The following ATCAY variants were observed in gnomAD, a reference collection of about 807,000 sequenced individuals.
The protein encoded by ATCAY is ATCAY kinesin light chain interacting caytaxin.
A neutral mutation model predicts 47.7 loss-of-function variants in ATCAY; 22 were observed. The observed-to-expected ratio is 0.46, with a 90% CI of 0.33 to 0.66. The LOEUF is 0.66. Among genes scored for constraint, ATCAY ranks in the 30% least tolerant of loss-of-function variants. ATCAY has a pLI of 0.02. For missense variants in ATCAY, 452 were observed against 515.0 expected (o/e 0.88, Z 1.18); for synonymous variants, 216 against 207.6 (o/e 1.04, Z -0.35).
At chr19:3,895,023 C>T in intron 2 of ATCAY, 26 of 383,272 alleles carry the variant, frequency 6.8e-5, no homozygotes, top group Middle Eastern at 3.8e-4. Flanking sequence ...TTTTTTCTCT[C>T]TCTCTCCTCT....
chr19:3,907,696 C>A lies in ATCAY; in HGVS notation c.359-38C>A, dbSNP rs1273974479. 6.2e-7 allele frequency: 1 copy of A among 1,610,534 alleles called. No homozygotes were observed. Among genetic ancestry groups the A allele is most frequent in the African/African-American group, 1.3e-5 (1 of 74,800 alleles). ...AGCAGGAGGGCAGGAGATATCCGGA[C>A]TCTGGCGTCCATGCGACTCTCCGCC... On this transcript the variant is annotated intron_variant, in intron 4 of 12. Transcript: ENST00000450849. The surrounding 1 kb of genome is among the most constrained non-coding windows in gnomAD (Gnocchi z 5.1).
intron 8 of ATCAY, among the ~76,000 whole-genome samples, chr19:3,912,391 G>T (rs1487461384): frequency 6.6e-6 from 1 of 151,706 alleles, no homozygotes; most frequent in Non-Finnish European, 1.5e-5. Flanking sequence ...TCAGCTCACT[G>T]CAAGCTCCGC....
rs374611192 is a variant in ATCAY at position 3,907,853 on chromosome 19, G to C, written c.478G>C (p.Gly160Arg). 1.2e-6 allele frequency: 2 copies of C among 1,613,938 alleles called. No individual in the cohort carries two copies. Among genetic ancestry groups the C allele is most frequent in the Non-Finnish European group, 1.7e-6 (2 of 1,179,848 alleles). The change falls in exon 5 of 13, where the codon GGG (glycine) becomes CGG (arginine). Residue 160 changes from glycine to arginine, a missense_variant. Coordinates refer to ENST00000450849, the MANE Select transcript of ATCAY (RefSeq NM_033064.5). The surrounding 1 kb of genome is among the most constrained non-coding windows in gnomAD (Gnocchi z 5.1). ...NGRLWRTVIIGEQEHRIDLHM... is the reference protein window; with the variant it reads ...NGRLWRTVIIREQEHRIDLHM... ...GCGCCTGTGGCGGACAGTGATCATC[G>C]GGGAGCAAGAGCACCGTATAGACCT... is the stretch of plus-strand genomic sequence containing the variant.
chr19:3,924,573 C>T lies in ATCAY; in HGVS notation c.1107-10C>T. 1 of 1,613,780 alleles carries T rather than the reference C, an allele frequency of 6.2e-7. No homozygotes were observed. Among genetic ancestry groups the T allele is most frequent in the Non-Finnish European group, 8.5e-7 (1 of 1,179,820 alleles). On this transcript the variant is annotated splice_polypyrimidine_tract_variant and intron_variant, in intron 12 of 12. Transcript: ENST00000450849. ...CAGCAATAACTTGGCCTGTGTCTTT[C>T]CCTCCCTAGCATGTCCTGAGGCGAC...
At chr19:3,882,485 T>C (rs2038610789) in intron 1 of ATCAY, among the ~76,000 whole-genome samples, 2 of 147,110 alleles carry the variant, frequency 1.4e-5, no homozygotes, top group African/African-American at 4.9e-5. Flanking sequence ...TCACCATGTT[T>C]GGTTAATTTT....
intron 1 of ATCAY, among the ~76,000 whole-genome samples, chr19:3,883,980 T>C (rs946097613): frequency 6.6e-6 from 1 of 151,532 alleles, no homozygotes; most frequent in Admixed American, 6.6e-5. Context: ...CTGCCCCCAG[T>C]GAGCTCCTCA....
At chr19:3,885,125 A>C (rs1451558141) in intron 1 of ATCAY, among the ~76,000 whole-genome samples, 2 of 149,814 alleles carry the variant, frequency 1.3e-5, no homozygotes, top group African/African-American at 2.4e-5. Context: ...AAAAAAAAAA[A>C]AAAAAAAAAA....
chr19:3,909,418 G>T, intron 6 of ATCAY, 68 bp from the exon 7 acceptor site: 2 of 1,524,710 alleles, frequency 1.3e-6, no homozygotes, highest in South Asian at 2.5e-5. Flanking sequence ...AGGCAGGGTC[G>T]GCACCGCAGG....
chr19:3,896,701 C>T (rs1041618342), intron 2 of ATCAY, among the ~76,000 whole-genome samples: 18 of 152,194 alleles, frequency 1.2e-4, no homozygotes, highest in African/African-American at 3.9e-4. Context: ...AAGGCAGTGC[C>T]GGCTGCAAAG....
In ATCAY at chr19:3,925,790, T is replaced by C. The variant is rs1026830091; in HGVS notation, c.*1198T>C. On this transcript the variant is annotated 3_prime_UTR_variant, in exon 13 of 13. Transcript: ENST00000450849. The surrounding 1 kb of genome is among the most constrained non-coding windows in gnomAD (Gnocchi z 4.4). ...GGGAGGCCGAGGCAGGCGGATCACC[T>C]GAGGTGAGGAGTTTGAGAACAGCCT... 1 of 152,256 alleles carries C rather than the reference T, an allele frequency of 6.6e-6. No individual in the cohort carries two copies. Among genetic ancestry groups the C allele is most frequent in the Non-Finnish European group, 1.5e-5 (1 of 68,076 alleles). 9.4% of individuals were successfully genotyped at this position (152,256 alleles called of 1,614,324 possible).
chr19:3,887,768 G>C (rs971978732), intron 2 of ATCAY, among the ~76,000 whole-genome samples: 3 of 149,142 alleles, frequency 2.0e-5, no homozygotes, highest in Non-Finnish European at 3.0e-5. Flanking sequence ...TTACAGGCGT[G>C]AGCCATCGCG....
intron 2 of ATCAY, among the ~76,000 whole-genome samples, chr19:3,895,535 A>G (rs1342862730): frequency 1.3e-5 from 2 of 151,202 alleles, no homozygotes. Context: ...TCATGAGGAA[A>G]ACAGAGGCTC....
At chr19:3,924,545 T>G (rs1171578005) in intron 12 of ATCAY, 38 bp from the exon 13 acceptor site, 1 of 1,613,598 alleles carries the variant, frequency 6.2e-7, no homozygotes, top group Non-Finnish European at 8.5e-7. Context: ...CTTTTAACAT[T>G]AACAGCAATA....
In ATCAY at chr19:3,883,266, C is replaced by G. The variant is rs139296606; in HGVS notation, c.-42+2258C>G. Among the ~76,000 whole-genome samples the G allele has an allele frequency of 3.6e-3, 551 of 152,102 alleles. 3 individuals are homozygous for G. Among genetic ancestry groups the G allele is most frequent in the African/African-American group, 0.013 (541 of 41,492 alleles). On this transcript the variant is annotated intron_variant, in intron 1 of 12. Coordinates refer to ENST00000450849, the MANE Select transcript of ATCAY (RefSeq NM_033064.5). ...GCACGCGCCTGTAGTCCAAGCTACT[C>G]AAGAGGTGGAGGTTGCAGTGAGCCG... is the stretch of plus-strand genomic sequence containing the variant.
chr19:3,910,576 C>T (rs1035788275), intron 7 of ATCAY, among the ~76,000 whole-genome samples: 6 of 152,138 alleles, frequency 3.9e-5, no homozygotes, highest in African/African-American at 1.4e-4. Flanking sequence ...GGGTCTCTAC[C>T]TACCTCATCC....
intron 12 of ATCAY, among the ~76,000 whole-genome samples, chr19:3,921,437 GA>G (rs1052875908): frequency 4.2e-5 from 6 of 141,874 alleles, no homozygotes; most frequent in African/African-American, 5.2e-5. Flanking sequence ...CTCAAAAAAA[GA>G]AAAAAAAAAG....
intron 2 of ATCAY, among the ~76,000 whole-genome samples, chr19:3,890,780 T>C (rs1035995576): frequency 2.6e-5 from 4 of 152,222 alleles, no homozygotes; most frequent in Non-Finnish European, 5.9e-5. Flanking sequence ...GTGGCCTCGC[T>C]GTGCCAGCCT....
intron 2 of ATCAY, chr19:3,893,441 G>A (rs1465192644): frequency 6.6e-6 from 1 of 152,272 alleles, no homozygotes; most frequent in Admixed American, 6.6e-5. Context: ...GCCTCGCAAA[G>A]TGCTGGGATT....
intron 2 of ATCAY, among the ~76,000 whole-genome samples, chr19:3,894,690 T>G (rs2038751360): frequency 6.7e-6 from 1 of 149,990 alleles, no homozygotes; most frequent in Admixed American, 6.7e-5. Flanking sequence ...AGCTCACTCC[T>G]GTAATCCCAT....
Sources: gnomAD v4.1 joint callset for allele counts (sites outside exome capture counted in the v4.1 genomes callset) on GRCh38, gnomAD v4.1.1 for gene constraint, Gnocchi (gnomAD v3.1) non-coding constraint, MANE v1.5 for transcripts, NCBI Gene and HGNC (gene_info 2026-07-23, HGNC 2026-07-21) for gene names.